The following PDLIM2 variants were observed in gnomAD, a reference collection of about 807,000 sequenced individuals.
PDLIM2 encodes the protein PDZ and LIM domain 2, also known as PDZ and LIM domain protein 2.
Under a neutral mutation model 54.1 loss-of-function variants are expected in PDLIM2, and 51 were observed. The ratio of observed to expected loss-of-function variants is 0.94; its 90% CI spans 0.75 to 1.19. PDLIM2 has a LOEUF of 1.19. Ranked by LOEUF, PDLIM2 falls within the 50% of genes most tolerant of loss-of-function variation. The pLI, the probability that PDLIM2 is intolerant of heterozygous loss-of-function variation, is 0.00. For synonymous variants in PDLIM2, 398 were observed against 385.6 expected, an observed-to-expected ratio of 1.03 and a Z score of -0.38; for missense variants, 912 against 874.0, an observed-to-expected ratio of 1.04 and a Z score of -0.55.
chr8:22,594,720 C>T (rs1348093582), downstream of PDLIM2: 1 of 1,537,186 alleles, frequency 6.5e-7, no homozygotes, highest in Non-Finnish European at 8.7e-7. Context: ...GATCTACCGA[C>T]ACCTTCCACT....
chr8:22,579,247 C>T, exon 1 of PDLIM2: 1 of 1,359,728 alleles, frequency 7.4e-7, no homozygotes, highest in Non-Finnish European at 9.4e-7. Context: ...ACCTGCGCCT[C>T]TCCGCGCGGC....
intron 3 of PDLIM2, among the ~76,000 whole-genome samples, chr8:22,582,518 C>G (rs1311031768): frequency 6.6e-6 from 1 of 151,800 alleles, no homozygotes; most frequent in African/African-American, 2.4e-5. Flanking sequence ...GGGAGGTAGG[C>G]CTGGGCTGTA....
chr8:22,589,097 G>C (rs1800456782), intron 6 of PDLIM2: 2 of 497,394 alleles, frequency 4.0e-6, no homozygotes, highest in African/African-American at 2.2e-5. Flanking sequence ...GGCTCCGAGG[G>C]AAGGGGCAGG....
At chr8:22,580,816 C>A in intron 2 of PDLIM2, 119 bp downstream of exon 1, 1 of 1,131,314 alleles carries the variant, frequency 8.8e-7, no homozygotes, top group Non-Finnish European at 1.3e-6. Context: ...TCTGCTGCTG[C>A]CTGGCGTGCT....
chr8:22,584,518 C>T (rs1199469465), intron 3 of PDLIM2, among the ~76,000 whole-genome samples: 1 of 152,138 alleles, frequency 6.6e-6, no homozygotes, highest in African/African-American at 2.4e-5. Flanking sequence ...CCTATGTTGC[C>T]CAGGCTGGTC....
rs1800124014 is a variant in PDLIM2 at position 22,579,358 on chromosome 8, GC to G, written c.584del (p.Pro195ArgfsTer59). On this transcript the variant is annotated frameshift_variant, in exon 1 of 10. Transcript: ENST00000308354. LOFTEE classifies it high-confidence loss of function. ...CCTGGAGCCTCGCATCAGCGGGGGC[GC>G]CCCCGCGAGCTGCGCTCTCCCCGGC... 2.0e-6 allele frequency: 3 copies of G among 1,468,778 alleles called. No individual in the cohort carries two copies. Among genetic ancestry groups the G allele is most frequent in the South Asian group, 1.3e-5 (1 of 76,588 alleles). The allele number at this position is 1,468,778 out of a possible 1,614,324, so 91.0% of individuals were successfully genotyped here.
chr8:22,578,822 G>A, exon 1 of PDLIM2: 1 of 1,234,468 alleles, frequency 8.1e-7, no homozygotes, highest in Non-Finnish European at 1.0e-6. Flanking sequence ...GAGCTTTATG[G>A]GGCTGCCCCC....
downstream of PDLIM2, chr8:22,594,778 G>T: frequency 2.9e-6 from 4 of 1,381,098 alleles, no homozygotes; most frequent in Non-Finnish European, 3.8e-6. Context: ...GATTTGGAGG[G>T]GGGAAAAAGG....
intron 8 of PDLIM2, chr8:22,590,448 C>A (rs771276191): frequency 6.6e-6 from 1 of 152,330 alleles, no homozygotes; most frequent in African/African-American, 2.4e-5. Flanking sequence ...TGGGGAGCTC[C>A]GTTCATTGGG....
At chr8:22,578,745 A>C (rs1051930041) in exon 1 of PDLIM2, 1 of 1,233,186 alleles carries the variant, frequency 8.1e-7, no homozygotes, top group African/African-American at 1.6e-5. Context: ...GACCGCAGAC[A>C]CACCCAGGCA....
intron 9 of PDLIM2, chr8:22,592,474 G>C (rs1424105966): frequency 6.6e-6 from 1 of 152,226 alleles, no homozygotes; most frequent in East Asian, 1.9e-4. Context: ...AATTTCTGAA[G>C]TGTGTAGTGT....
intron 2 of PDLIM2, chr8:22,581,102 C>T (rs923161043): frequency 7.8e-5 from 53 of 682,930 alleles, no homozygotes; most frequent in African/African-American, 7.3e-4. Flanking sequence ...GGGCAAGGCT[C>T]TCTATCCAAA....
At chr8:22,594,288 G>T in exon 10 of PDLIM2, 3 of 1,401,392 alleles carry the variant, frequency 2.1e-6, no homozygotes, top group Non-Finnish European at 2.8e-6. Context: ...TATGAATATG[G>T]ACAAAATAAA....
chr8:22,594,005 T>C (rs1800628357), exon 10 of PDLIM2: 1 of 1,474,626 alleles, frequency 6.8e-7, no homozygotes, highest in Admixed American at 2.2e-5. Context: ...TGCTCTTACA[T>C]GAGCTAAGTT....
chr8:22,579,089 T>G, exon 1 of PDLIM2: 1 of 1,259,966 alleles, frequency 7.9e-7, no homozygotes, highest in Non-Finnish European at 9.9e-7. Context: ...CGGGATCACA[T>G]GGGCGGAGGC....
exon 4 of PDLIM2, chr8:22,584,883 G>A (rs141075881): frequency 5.0e-6 from 8 of 1,614,114 alleles, no homozygotes; most frequent in East Asian, 4.5e-5. Flanking sequence ...CTGGCGACTC[G>A]CTTCCAGGTA....
chr8:22,579,474 G>C lies in PDLIM2; in HGVS notation c.695G>C (p.Gly232Ala). ...AGAACTGGTAGAGCCGGGCCATCGG[G>C]CTGGGCACCTCCCCGCGGCGCCCGC... Residue 232 changes from glycine (G) to alanine (A), a missense_variant, in exon 1 of 10, where the codon GGC becomes GCC. Physicochemically the swap from Gly to Ala is moderately conservative, Grantham distance 60. Transcript: ENST00000308354. The C allele has an allele frequency of 3.3e-6, 5 of 1,514,300 alleles. No individual in the cohort carries two copies. In the South Asian group the frequency reaches 4.8e-5, roughly 15 times the overall value. 93.8% of individuals were successfully genotyped at this position (1,514,300 alleles called of 1,614,324 possible).
exon 1 of PDLIM2, chr8:22,579,275 G>T: frequency 7.3e-7 from 1 of 1,369,108 alleles, no homozygotes; most frequent in Non-Finnish European, 9.4e-7. Flanking sequence ...CCCCGGCGCC[G>T]GGCTCCTCTC....
downstream of PDLIM2, chr8:22,597,315 T>G (rs950605852): frequency 6.6e-6 from 1 of 152,324 alleles, no homozygotes; most frequent in East Asian, 1.9e-4. Flanking sequence ...GGCTTGGGAC[T>G]GCGGCTGCCA....
Sources: allele counts gnomAD v4.1 joint callset (sites outside exome capture counted in the v4.1 genomes callset), GRCh38; gene constraint gnomAD v4.1.1; transcripts MANE v1.5; gene names NCBI Gene and HGNC (gene_info 2026-07-23, HGNC 2026-07-21).